PTPRJ: variants seen among roughly 807,000 people sequenced by gnomAD.
The protein encoded by PTPRJ is protein tyrosine phosphatase receptor type J.
A neutral mutation model predicts 141.3 loss-of-function variants in PTPRJ; 129 were observed. The ratio of observed to expected loss-of-function variants is 0.91; its 90% CI spans 0.79 to 1.06. PTPRJ has a LOEUF of 1.06. PTPRJ is among the 50% of genes least tolerant of loss of function. The pLI is 0.00. For synonymous variants in PTPRJ, 610 were observed against 640.5 expected, an observed-to-expected ratio of 0.95 and a Z score of 0.72; for missense variants, 1,601 against 1,679.7, an observed-to-expected ratio of 0.95 and a Z score of 0.82.
intron 1 of PTPRJ, among the ~76,000 whole-genome samples, chr11:48,017,131 G>A (rs765873152): frequency 3.7e-4 from 56 of 152,300 alleles, no homozygotes; most frequent in Non-Finnish European, 7.1e-4. Context: ...AGGTTGTAGA[G>A]ATGTTACATA....
chr11:48,083,997 A>G (rs1855631399), intron 1 of PTPRJ, among the ~76,000 whole-genome samples: 1 of 152,244 alleles, frequency 6.6e-6, no homozygotes, highest in Non-Finnish European at 1.5e-5. Context: ...GCATAAGGCC[A>G]CAAAGCCATG....
intron 1 of PTPRJ, among the ~76,000 whole-genome samples, chr11:48,047,650 G>A (rs570799983): frequency 4.6e-5 from 7 of 152,152 alleles, no homozygotes; most frequent in Admixed American, 2.0e-4. Context: ...CGACAGGCGC[G>A]TGCCACCATG....
At chr11:48,030,513 G>A (rs1227387840) in intron 1 of PTPRJ, among the ~76,000 whole-genome samples, 7 of 152,018 alleles carry the variant, frequency 4.6e-5, no homozygotes, top group East Asian at 3.9e-4. Flanking sequence ...TCAGCTGGGC[G>A]CGGTGGGTCA....
At chr11:47,989,033 G>T (rs1259851287) in intron 1 of PTPRJ, among the ~76,000 whole-genome samples, 2 of 150,836 alleles carry the variant, frequency 1.3e-5, no homozygotes, top group African/African-American at 4.9e-5. Context: ...ACAGGCGCCC[G>T]CCACCAAGCC....
intron 18 of PTPRJ, among the ~76,000 whole-genome samples, chr11:48,151,363 TCTCTTTTC>T (rs888820362): frequency 3.3e-5 from 5 of 151,110 alleles, no homozygotes; most frequent in Non-Finnish European, 7.4e-5. Flanking sequence ...TGTCTCTTTG[TCTCTTTTC>T]CTCCTATAAG....
At chr11:47,994,972 C>G (rs1590389560) in intron 1 of PTPRJ, among the ~76,000 whole-genome samples, 1 of 152,268 alleles carries the variant, frequency 6.6e-6, no homozygotes, top group East Asian at 1.9e-4. Flanking sequence ...GTATGGCAAT[C>G]TGTGAAGGAC....
At chr11:48,021,416 T>TA (rs67731764) in intron 1 of PTPRJ, among the ~76,000 whole-genome samples, 73 of 104,372 alleles carry the variant, frequency 7.0e-4, no homozygotes, top group Non-Finnish European at 9.8e-4. Flanking sequence ...AATAAATAAA[T>TA]AAATAAAATA....
chr11:48,128,336 C>T (rs1159633171), intron 7 of PTPRJ, among the ~76,000 whole-genome samples: 1 of 152,148 alleles, frequency 6.6e-6, no homozygotes, highest in South Asian at 2.1e-4. Context: ...CACCTGGAGC[C>T]TGCGCTTGTA....
chr11:48,134,529 CTTAAAA>C lies in PTPRJ; in HGVS notation c.1616-1503_1616-1498del, dbSNP rs1291072430. On this transcript the variant is annotated intron_variant, in intron 8 of 24. Coordinates refer to ENST00000418331, the MANE Select transcript of PTPRJ (RefSeq NM_002843.4). ...GTGGCTTCTCTGTAAGGAGAATCCA[CTTAAAA>C]TTAAAAAAAAAATTAATTTTGGAGT... Among the ~76,000 whole-genome samples, 8 of 152,134 alleles carry C rather than the reference CTTAAAA, an allele frequency of 5.3e-5. 1 individual carries two copies. The South Asian group carries it at 1.5e-3, about 28-fold the overall frequency.
At chr11:48,016,578 A>G (rs1180114656) in intron 1 of PTPRJ, among the ~76,000 whole-genome samples, 1 of 152,124 alleles carries the variant, frequency 6.6e-6, no homozygotes, top group Non-Finnish European at 1.5e-5. Flanking sequence ...GGCCACTACT[A>G]TGTGCATATG....
At chr11:48,099,634 TCTC>T (rs1235501384) in intron 1 of PTPRJ, among the ~76,000 whole-genome samples, 2 of 152,118 alleles carry the variant, frequency 1.3e-5, no homozygotes, top group African/African-American at 2.4e-5. Flanking sequence ...TCTCCAGTGA[TCTC>T]CTATCTGATG....
chr11:48,013,929 T>C (rs1854880795), intron 1 of PTPRJ, among the ~76,000 whole-genome samples: 1 of 151,194 alleles, frequency 6.6e-6, no homozygotes, highest in East Asian at 1.9e-4. Flanking sequence ...GGGGGTTGGC[T>C]TTGCTGAAGT....
At chr11:48,029,149 C>G (rs535398886) in intron 1 of PTPRJ, among the ~76,000 whole-genome samples, 1 of 152,154 alleles carries the variant, frequency 6.6e-6, no homozygotes, top group Non-Finnish European at 1.5e-5. Flanking sequence ...AGGTCCTGCC[C>G]GCACAGCCTC....
intron 1 of PTPRJ, among the ~76,000 whole-genome samples, chr11:48,053,790 T>TG (rs1475902090): frequency 6.6e-6 from 1 of 150,944 alleles, no homozygotes; most frequent in African/African-American, 2.4e-5. Context: ...TTGGCCAGGC[T>TG]GGTGTCGAAC....
chr11:48,124,928 C>T, intron 5 of PTPRJ, 40 bp from the exon 6 acceptor site: 2 of 1,599,442 alleles, frequency 1.3e-6, no homozygotes, highest in Non-Finnish European at 1.7e-6. Context: ...ATGTGTCCCT[C>T]TTGTGGTTGA....
At chr11:48,136,852 T>C (rs1466138548) in intron 9 of PTPRJ, 151 bp from the exon 10 acceptor site, 9 of 736,190 alleles carry the variant, frequency 1.2e-5, no homozygotes, top group Non-Finnish European at 1.7e-5. Context: ...CTTGATGTGT[T>C]TTTGGGAAGT....
In PTPRJ at chr11:48,125,112, G is replaced by A. The variant is rs760959555; in HGVS notation, c.1019G>A (p.Arg340Gln). 9 of 1,613,912 alleles carry A rather than the reference G, an allele frequency of 5.6e-6. No homozygotes were observed. Among genetic ancestry groups the A allele is most frequent in the Middle Eastern group, 1.6e-4 (1 of 6,084 alleles). The change falls in exon 6 of 25, where the codon CGA (arginine) becomes CAA (glutamine). Residue 340 changes from arginine (R) to glutamine (Q), a missense_variant. Physicochemically the swap from Arg to Gln is conservative, Grantham distance 43. Coordinates refer to ENST00000418331, the MANE Select transcript of PTPRJ (RefSeq NM_002843.4). ...CTTGTCGGGTTAGAGCCTGGCACCC[G>A]ATACAATGCCACCGTTTATTCCCAA... ...VLLVGLEPGT[R>Q]YNATVYSQAA... is the part of the protein sequence containing the mutation.
In PTPRJ at chr11:48,161,595, ATTTCT is replaced by A. The variant is rs555500255; in HGVS notation, c.3558+1565_3558+1569del. 6.9e-3 allele frequency among the ~76,000 whole-genome samples: 1,048 copies of A among 151,964 alleles called. 11 individuals are homozygous for A. Among genetic ancestry groups the A allele is most frequent in the African/African-American group, 0.024 (989 of 41,432 alleles). ...ACAGTAGTAGAAAAATGTCATGCTT[ATTTCT>A]TTTCTTTTCTTTTCTTTTTTTTCTT... On this transcript the variant is annotated intron_variant, in intron 22 of 24. Coordinates refer to ENST00000418331, the MANE Select transcript of PTPRJ (RefSeq NM_002843.4).
Position 48,124,011 on chromosome 11 carries a change from C to T in PTPRJ, c.874+141C>T, listed in dbSNP as rs577018682. ...CTTTTCCTCCACATTTTAGTTTGAT[C>T]CCCCACCTGCATGAGGAAGGAAGGA... On this transcript the variant is annotated intron_variant, in intron 5 of 24. Transcript: ENST00000418331. 24 of 960,806 alleles carry T rather than the reference C, an allele frequency of 2.5e-5. No homozygotes were observed. In the South Asian group the frequency reaches 3.5e-4, roughly 14 times the overall value. 59.5% of individuals were successfully genotyped at this position (960,806 alleles called of 1,614,324 possible). A position where few individuals can be genotyped will look rare whatever the true frequency, so the allele number is the denominator to read the frequency against.
Sources: gnomAD v4.1 joint callset for allele counts (sites outside exome capture counted in the v4.1 genomes callset) on GRCh38, gnomAD v4.1.1 for gene constraint, MANE v1.5 for transcripts, NCBI Gene and HGNC (gene_info 2026-07-23, HGNC 2026-07-21) for gene names.